FHIT: variants seen among roughly 807,000 people sequenced by gnomAD.
The protein encoded by FHIT is fragile histidine triad diadenosine triphosphatase, also known as bis(5'-adenosyl)-triphosphatase.
Under a neutral mutation model 17.9 loss-of-function variants are expected in FHIT, and 19 were observed. The ratio of observed to expected loss-of-function variants is 1.06; its 90% confidence interval spans 0.74 to 1.56. The LOEUF is 1.56. Among genes scored for constraint, FHIT ranks in the 40% most tolerant of loss-of-function variants. The pLI is 0.00. For missense variants in FHIT, 248 were observed against 189.2 expected, an observed-to-expected ratio of 1.31 and a Z score of -1.82; for synonymous variants, 81 against 69.7, an observed-to-expected ratio of 1.16 and a Z score of -0.81.
At chr3:61,227,638 G>A (rs949054608) in intron 1 of FHIT, among the ~76,000 whole-genome samples, 1 of 152,084 alleles carries the variant, frequency 6.6e-6, no homozygotes, top group South Asian at 2.1e-4. Context: ...GAAGAAAAAG[G>A]TTCTTTTTCT....
intron 2 of FHIT, among the ~76,000 whole-genome samples, chr3:61,056,768 T>A (rs1304272037): frequency 6.6e-6 from 1 of 152,214 alleles, no homozygotes; most frequent in Non-Finnish European, 1.5e-5. Context: ...TTTTTGGTTT[T>A]ATTTAGATAA....
chr3:60,002,645 G>A (rs1699774294), intron 7 of FHIT, among the ~76,000 whole-genome samples: 1 of 152,132 alleles, frequency 6.6e-6, no homozygotes, highest in South Asian at 2.1e-4. Flanking sequence ...CCACATCTGT[G>A]GCTCTGCAGG....
chr3:60,924,270 T>C (rs1707455840), intron 3 of FHIT, among the ~76,000 whole-genome samples: 3 of 152,082 alleles, frequency 2.0e-5, no homozygotes, highest in Non-Finnish European at 2.9e-5. Flanking sequence ...CTCAAGTGGG[T>C]CCCTGACCCC....
chr3:61,003,635 G>C (rs1330718616), intron 3 of FHIT, among the ~76,000 whole-genome samples: 1 of 152,154 alleles, frequency 6.6e-6, no homozygotes, highest in East Asian at 1.9e-4. Context: ...CTGCAATCAA[G>C]CTTTCAATGT....
Position 59,838,255 on chromosome 3 carries a change from A to C in FHIT, c.348+84091T>G, listed in dbSNP as rs79449026. Among the ~76,000 whole-genome samples the C allele has an allele frequency of 7.7e-3, 1,179 of 152,234 alleles. 15 individuals are homozygous for C. The highest frequency in any genetic ancestry group is 0.025 in the African/African-American group (1,028 of 41,532). On this transcript the variant is annotated intron_variant, in intron 8 of 9. Transcript: ENST00000492590. ...CCCAAACAACCTGCCCTCAATGCCC[A>C]GACAAACCTGCCTGAAACCCTGCTG...
At chr3:60,269,416 T>C (rs998279210) in intron 5 of FHIT, among the ~76,000 whole-genome samples, 19 of 152,332 alleles carry the variant, frequency 1.2e-4, no homozygotes, top group Non-Finnish European at 2.5e-4. Flanking sequence ...GATCACCTGC[T>C]GGCTGTTCTT....
At chr3:59,834,489 AAAAC>A (rs769677754) in intron 8 of FHIT, among the ~76,000 whole-genome samples, 84 of 152,182 alleles carry the variant, frequency 5.5e-4, no homozygotes, top group Admixed American at 1.0e-3. Context: ...TGGCTTATAA[AAAAC>A]AAACATTTAC....
At chr3:60,836,224 A>G (rs1702536800) in intron 3 of FHIT, among the ~76,000 whole-genome samples, 1 of 152,068 alleles carries the variant, frequency 6.6e-6, no homozygotes, top group African/African-American at 2.4e-5. Flanking sequence ...TATGACAGTT[A>G]TTGGTATATA....
rs1274812733 is a variant in FHIT at position 60,861,185 on chromosome 3, T to TGATATATAG, written c.-110-39175_-110-39174insCTATATATC. 7.8e-5 allele frequency among the ~76,000 whole-genome samples: 2 copies of TGATATATAG among 25,746 alleles called. 1 individual carries two copies. The highest frequency in any genetic ancestry group is 1.3e-4 in the Non-Finnish European group (2 of 14,822). The allele number at this position is 25,746 out of a possible 152,430, so 16.9% of individuals were successfully genotyped here. On this transcript the variant is annotated intron_variant, in intron 3 of 9. Coordinates refer to ENST00000492590, the MANE Select transcript of FHIT (RefSeq NM_002012.4). ...TATATCATATGTTCTATGATATATA[T>TGATATATAG]GATATATATCATATATGATATATAT...
chr3:60,752,957 C>T (rs535903417), intron 4 of FHIT, among the ~76,000 whole-genome samples: 2 of 152,318 alleles, frequency 1.3e-5, no homozygotes, highest in South Asian at 2.1e-4. Context: ...AATTACATTA[C>T]TTTCGACAGC....
intron 5 of FHIT, among the ~76,000 whole-genome samples, chr3:60,451,625 C>T (rs769751823): frequency 4.6e-5 from 7 of 151,912 alleles, no homozygotes; most frequent in Admixed American, 6.6e-5. Context: ...TGCCACAATC[C>T]CAAGAAAGAA....
intron 3 of FHIT, among the ~76,000 whole-genome samples, chr3:60,825,028 A>C (rs537431519): frequency 7.2e-5 from 11 of 152,376 alleles, no homozygotes; most frequent in African/African-American, 2.6e-4. Flanking sequence ...AGACTAGTTA[A>C]CATGAAAAAG....
intron 5 of FHIT, among the ~76,000 whole-genome samples, chr3:60,014,565 T>G (rs1700269753): frequency 6.6e-6 from 1 of 152,238 alleles, no homozygotes; most frequent in Non-Finnish European, 1.5e-5. Context: ...TTTCTCTAGG[T>G]AGAACATGGG....
intron 4 of FHIT, among the ~76,000 whole-genome samples, chr3:60,693,179 A>T (rs1392439902): frequency 2.0e-5 from 3 of 152,186 alleles, no homozygotes; most frequent in African/African-American, 4.8e-5. Flanking sequence ...TATGAATTTA[A>T]TTTCATTCAT....
chr3:59,904,182 A>G (rs1318290126), intron 8 of FHIT, among the ~76,000 whole-genome samples: 1 of 150,512 alleles, frequency 6.6e-6, no homozygotes, highest in Non-Finnish European at 1.5e-5. Context: ...TTCCTCCTTC[A>G]TCAACACCTA....
chr3:60,009,153 C>G (rs1339059294), intron 7 of FHIT, among the ~76,000 whole-genome samples: 1 of 137,402 alleles, frequency 7.3e-6, no homozygotes, highest in African/African-American at 2.7e-5. Flanking sequence ...CTTCATTGTT[C>G]TCTGGGATTT....
intron 5 of FHIT, among the ~76,000 whole-genome samples, chr3:60,219,229 C>A (rs745496902): frequency 6.6e-6 from 1 of 152,080 alleles, no homozygotes; most frequent in Non-Finnish European, 1.5e-5. Context: ...TTCTGCCCCT[C>A]GTAATCCTTC....
At chr3:60,424,932 T>C (rs991853696) in intron 5 of FHIT, among the ~76,000 whole-genome samples, 1 of 152,192 alleles carries the variant, frequency 6.6e-6, no homozygotes, top group Non-Finnish European at 1.5e-5. Flanking sequence ...ACCTTCTGCA[T>C]GGATTAATAA....
intron 2 of FHIT, among the ~76,000 whole-genome samples, chr3:61,115,461 G>C (rs1256240108): frequency 2.6e-5 from 4 of 152,116 alleles, no homozygotes; most frequent in Admixed American, 1.3e-4. Flanking sequence ...GTGGGAGGAA[G>C]GGGAGGAAAT....
Sources: gnomAD v4.1 joint callset for allele counts (sites outside exome capture counted in the v4.1 genomes callset) on GRCh38, gnomAD v4.1.1 for gene constraint, MANE v1.5 for transcripts, NCBI Gene and HGNC (gene_info 2026-07-23, HGNC 2026-07-21) for gene names.